PHLDB1: variants seen among roughly 807,000 people sequenced by gnomAD.
PHLDB1 encodes the protein pleckstrin homology like domain family B member 1.
PHLDB1 carries 65 observed loss-of-function variants against 139.3 expected under a neutral mutation model. The ratio of observed to expected loss-of-function variants is 0.47; its 90% CI spans 0.38 to 0.57. The LOEUF is 0.57. Among genes scored for constraint, PHLDB1 ranks in the 20% least tolerant of loss-of-function variants. The pLI, the probability that PHLDB1 is intolerant of heterozygous loss-of-function variation, is 0.00. For synonymous variants in PHLDB1, 679 were observed against 734.5 expected, an observed-to-expected ratio of 0.92 and a Z score of 1.22; for missense variants, 1,624 against 1,839.7, an observed-to-expected ratio of 0.88 and a Z score of 2.14.
rs1010523789 is a variant in PHLDB1, at chr11:118,608,548, G to A, written c.-22+849G>A. ...CGGGCGACCGCACAGCCCTGCCGGG[G>A]ACCCACGGCTCTGGGGCGGGGCTGC... is the stretch of plus-strand genomic sequence containing the variant. On this transcript the variant is annotated intron_variant, in intron 1 of 22. Transcript: ENST00000600882. This position sits in a 1 kb window ranked among gnomAD's most constrained non-coding sequence, Gnocchi z 6.7. Among the ~76,000 whole-genome samples, 1 of 152,054 alleles carries A rather than the reference G, an allele frequency of 6.6e-6. No individual in the cohort carries two copies. Among genetic ancestry groups the A allele is most frequent in the Non-Finnish European group, 1.5e-5 (1 of 67,982 alleles).
At chr11:118,612,239 A>G (rs1323924348) in intron 1 of PHLDB1, among the ~76,000 whole-genome samples, 2 of 152,200 alleles carry the variant, frequency 1.3e-5, no homozygotes, top group Admixed American at 1.3e-4. Flanking sequence ...TAATAAATAA[A>G]TAAAGTCAGG....
chr11:118,629,136 GA>G (rs1944361245), intron 6 of PHLDB1, among the ~76,000 whole-genome samples: 1 of 152,220 alleles, frequency 6.6e-6, no homozygotes, highest in Non-Finnish European at 1.5e-5. Flanking sequence ...TTGTTCTTTA[GA>G]AAAGTACCTT....
At chr11:118,646,820 A>G (rs1379608407) in intron 17 of PHLDB1, 1 of 152,232 alleles carries the variant, frequency 6.6e-6, no homozygotes, top group East Asian at 1.9e-4. Flanking sequence ...GAGGGATTTA[A>G]TAAAAAACAG....
At chr11:118,618,244 G>A (rs572564311) in intron 4 of PHLDB1, among the ~76,000 whole-genome samples, 24 of 152,164 alleles carry the variant, frequency 1.6e-4, no homozygotes, top group African/African-American at 5.3e-4. Flanking sequence ...GGGCTCGCCT[G>A]TCTCAGAAGC....
At chr11:118,614,508 G>T in intron 2 of PHLDB1, 51 bp from the exon 3 acceptor site, 1 of 1,604,268 alleles carries the variant, frequency 6.2e-7, no homozygotes. Flanking sequence ...GGTTTAGGGT[G>T]GTAAGGTGCT....
intron 4 of PHLDB1, among the ~76,000 whole-genome samples, chr11:118,618,073 G>C (rs575110016): frequency 1.3e-5 from 2 of 152,034 alleles, no homozygotes; most frequent in Admixed American, 6.5e-5. Flanking sequence ...GGAGAGCCTA[G>C]GGCTAAGATG....
chr11:118,649,992 G>T (rs1948122311), intron 18 of PHLDB1, 85 bp from the exon 19 acceptor site: 2 of 968,696 alleles, frequency 2.1e-6, no homozygotes, highest in Admixed American at 1.7e-5. Flanking sequence ...AGGCTGTTGG[G>T]GTTTAGAAGT....
rs1431684843 is a variant in PHLDB1 at position 118,620,044 on chromosome 11, G to A, written c.355+3833G>A. Among the ~76,000 whole-genome samples the A allele has an allele frequency of 6.6e-6, 1 of 152,222 alleles. No individual in the cohort carries two copies. The highest frequency in any genetic ancestry group is 1.5e-5 in the Non-Finnish European group (1 of 68,032). On this transcript the variant is annotated intron_variant, in intron 4 of 22. Coordinates refer to ENST00000600882, the MANE Select transcript of PHLDB1 (RefSeq NM_001144758.3). The surrounding 1 kb of genome is among the most constrained non-coding windows in gnomAD (Gnocchi z 4.1). Reference sequence around the variant, plus strand: ...GAGATGAAGTAGTGTCAGTGTGACTGAGCAAGTGTTGGTGTGTATCTGAGA... The same window carrying A: ...GAGATGAAGTAGTGTCAGTGTGACTAAGCAAGTGTTGGTGTGTATCTGAGA...
intron 1 of PHLDB1, chr11:118,613,198 G>C: frequency 1.4e-6 from 1 of 721,706 alleles, no homozygotes; most frequent in Non-Finnish European, 1.7e-6. Context: ...TGATTGTGTT[G>C]GGTTGAGGTT....
Position 118,645,632 on chromosome 11 carries a change from C to T in PHLDB1, c.3398C>T (p.Ser1133Phe), listed in dbSNP as rs782289067. 3.1e-6 allele frequency: 5 copies of T among 1,612,930 alleles called. No homozygotes were observed. The South Asian group carries it at 4.4e-5, about 14-fold the overall frequency. ...TCCACCGGGGGCAACTCGGCCTGCT[C>T]CCCTGACAACATGTCCAGGTACACC... ...SISTGGNSAC[S>F]PDNMSSASGL... Residue 1133 changes from serine (S) to phenylalanine (F), a missense_variant, in exon 16 of 23, where the codon TCC becomes TTC. Physicochemically the swap from Ser to Phe is radical, Grantham distance 155. Transcript: ENST00000600882. This position sits in a 1 kb window ranked among gnomAD's most constrained non-coding sequence, Gnocchi z 5.1.
intron 22 of PHLDB1, 138 bp downstream of exon 22, chr11:118,656,030 A>G (rs1949014590): frequency 1.4e-6 from 1 of 705,010 alleles, no homozygotes; most frequent in African/African-American, 1.8e-5. Context: ...GCAAAGAGCA[A>G]GAAGCTCCTG....
At chr11:118,618,896 G>A (rs1185465619) in intron 4 of PHLDB1, among the ~76,000 whole-genome samples, 4 of 151,738 alleles carry the variant, frequency 2.6e-5, no homozygotes, top group African/African-American at 9.7e-5. Flanking sequence ...TCTTCCAGCA[G>A]GAATATGCCT....
In PHLDB1 at chr11:118,614,647, T is replaced by G; in HGVS notation, c.149T>G (p.Leu50Arg). ...CTGGTGAGCCTGGGCAGTGGGCGAC[T>G]CAGCACAGCCATCACCCTCCTGCCG... ...PHLVSLGSGR[L>R]STAITLLPLE... The change falls in exon 3 of 23, where the codon CTC becomes CGC. Residue 50 changes from leucine to arginine, a missense_variant. Leu to Arg is a moderately radical substitution (Grantham distance 102). Transcript: ENST00000600882. The G allele has an allele frequency of 6.2e-7, 1 of 1,613,904 alleles. No individual in the cohort carries two copies. Among genetic ancestry groups the G allele is most frequent in the Non-Finnish European group, 8.5e-7 (1 of 1,179,892 alleles).
At chr11:118,637,861 A>G (rs1945894593) in intron 10 of PHLDB1, 1 of 152,238 alleles carries the variant, frequency 6.6e-6, no homozygotes, top group Non-Finnish European at 1.5e-5. Flanking sequence ...TTGTTGAGCC[A>G]GGTACTGTTC....
Position 118,643,888 on chromosome 11 carries a change from C to T in PHLDB1, c.2966C>T (p.Ser989Phe). The change falls in exon 14 of 23, where the codon TCC (serine) becomes TTC (phenylalanine). Residue 989 changes from serine to phenylalanine, a missense_variant. Coordinates refer to ENST00000600882, the MANE Select transcript of PHLDB1 (RefSeq NM_001144758.3). ...CTCCCCTCCTCCTCTGGCTCTTCCT[C>T]CTCCTCCTCCCAGCTCAGCGTGGCT... ...GPLPSSSGSS[S>F]SSSQLSVATL... The T allele has an allele frequency of 1.2e-6, 2 of 1,612,014 alleles. No homozygotes were observed. The highest frequency in any genetic ancestry group is 8.5e-7 in the Non-Finnish European group (1 of 1,178,928).
Position 118,650,072 on chromosome 11 carries a change from C to T in PHLDB1, c.3655-5C>T. 9 of 1,610,312 alleles carry T rather than the reference C, an allele frequency of 5.6e-6. No individual in the cohort carries two copies. The highest frequency in any genetic ancestry group is 6.8e-6 in the Non-Finnish European group (8 of 1,176,514). ...GACTCTCCTGACCCTCCCTCTTGCT[C>T]CCAGGCACGACCCCTGACCCGCTAC... On this transcript the variant is annotated splice_region_variant and splice_polypyrimidine_tract_variant and intron_variant, in intron 18 of 22. Transcript: ENST00000600882. This position sits in a 1 kb window ranked among gnomAD's most constrained non-coding sequence, Gnocchi z 4.7.
At chr11:118,629,983 G>A (rs1294432623) in intron 6 of PHLDB1, 12 of 1,284,820 alleles carry the variant, frequency 9.3e-6, no homozygotes, top group South Asian at 1.2e-5. Context: ...TGGGGCAGGG[G>A]TGGAGGCACT....
Position 118,645,774 on chromosome 11 carries a change from G to A in PHLDB1, c.3456G>A (p.Glu1152=), listed in dbSNP as rs782626179. The A allele has an allele frequency of 3.7e-6, 6 of 1,613,728 alleles. No individual in the cohort carries two copies. The South Asian group carries it at 6.6e-5, about 18-fold the overall frequency. ...ACATGGGGAAGATCGAGGAGATGGA[G>A]AAGATGCTGAAAGAGGCTCATGCAG... ...GLDMGKIEEM[E]KMLKEAHAEK... Residue 1152 remains glutamate, a synonymous_variant, in exon 17 of 23, where the codon GAG becomes GAA. Coordinates refer to ENST00000600882, the MANE Select transcript of PHLDB1 (RefSeq NM_001144758.3). This position sits in a 1 kb window ranked among gnomAD's most constrained non-coding sequence, Gnocchi z 5.1.
chr11:118,627,294 T>C lies in PHLDB1; in HGVS notation c.482-11T>C. The C allele has an allele frequency of 6.2e-7, 1 of 1,612,518 alleles. No individual in the cohort carries two copies. Among genetic ancestry groups the C allele is most frequent in the East Asian group, 2.2e-5 (1 of 44,880 alleles). The stretch of plus-strand genomic sequence containing the variant: ...CTCCCTAAAGTCAAAGACCTTTGCA[T>C]TTCCCTCCAGCAGAATCAGAAAGTC... On this transcript the variant is annotated splice_polypyrimidine_tract_variant and intron_variant, in intron 5 of 22. Transcript: ENST00000600882.
Sources: allele counts gnomAD v4.1 joint callset (sites outside exome capture counted in the v4.1 genomes callset), GRCh38; gene constraint gnomAD v4.1.1; non-coding constraint Gnocchi (gnomAD v3.1); transcripts MANE v1.5; gene names NCBI Gene and HGNC (gene_info 2026-07-23, HGNC 2026-07-21).